Variants in DYM observed in about 807,000 individuals in gnomAD.
DYM encodes dyggve-Melchior-Clausen syndrome protein.
Under a neutral mutation model 93.1 loss-of-function variants are expected in DYM, and 78 were observed. The ratio of observed to expected loss-of-function variants is 0.84; its 90% CI spans 0.70 to 1.01. The LOEUF (loss-of-function observed/expected upper bound fraction) is 1.01, where lower values mean the gene tolerates loss of function less well. DYM is among the 50% of genes least tolerant of loss of function. The probability of loss-of-function intolerance (pLI) is 0.00; values close to 1 mark genes in which losing one functional copy is unlikely to be tolerated. For synonymous variants in DYM, 321 were observed against 319.7 expected, an observed-to-expected ratio of 1.00 and a Z score of -0.04; for missense variants, 789 against 845.0, an observed-to-expected ratio of 0.93 and a Z score of 0.82.
intron 16 of DYM, among the ~76,000 whole-genome samples, chr18:49,097,884 T>G (rs2079721916): frequency 1.5e-5 from 2 of 136,240 alleles, no homozygotes; most frequent in Admixed American, 6.9e-5. Context: ...GCTCTCTCTC[T>G]CTCTCTCTCT....
At chr18:49,260,400 T>C (rs939459924) in intron 11 of DYM, among the ~76,000 whole-genome samples, 2 of 152,110 alleles carry the variant, frequency 1.3e-5, no homozygotes, top group African/African-American at 4.8e-5. Context: ...ATTTGTGATG[T>C]GAAGGACCAA....
intron 8 of DYM, among the ~76,000 whole-genome samples, chr18:49,317,623 C>CTCCTAT (rs749032927): frequency 0.03 from 1,072 of 35,382 alleles, 98 homozygotes; most frequent in Non-Finnish European, 0.047. Context: ...CTCCCTCCCT[C>CTCCTAT]CCTCCCTCTC....
intron 2 of DYM, among the ~76,000 whole-genome samples, chr18:49,423,973 G>A (rs1013469269): frequency 5.9e-5 from 9 of 152,176 alleles, no homozygotes; most frequent in Non-Finnish European, 1.0e-4. Flanking sequence ...GAGGTACAAA[G>A]AGGAGCTGGT....
intron 16 of DYM, among the ~76,000 whole-genome samples, chr18:49,107,764 G>T (rs2080989971): frequency 6.6e-6 from 1 of 152,164 alleles, no homozygotes; most frequent in Non-Finnish European, 1.5e-5. Context: ...TGTTCCTCTA[G>T]AAGTTTTGTC....
intron 14 of DYM, among the ~76,000 whole-genome samples, chr18:49,195,869 C>A (rs2091388465): frequency 6.8e-6 from 1 of 146,294 alleles, no homozygotes; most frequent in African/African-American, 2.5e-5. Flanking sequence ...CAGAGAACTA[C>A]AACCAAATAC....
At chr18:49,393,996 CT>C (rs2147939471) in intron 2 of DYM, among the ~76,000 whole-genome samples, 1 of 152,104 alleles carries the variant, frequency 6.6e-6, no homozygotes, top group South Asian at 2.1e-4. Context: ...GAATAGGGAA[CT>C]AGTGTTTAGT....
chr18:49,185,025 C>T (rs900244711), intron 14 of DYM, among the ~76,000 whole-genome samples: 1 of 152,042 alleles, frequency 6.6e-6, no homozygotes, highest in Non-Finnish European at 1.5e-5. Context: ...GTCATTTAAG[C>T]AAAGACCTGA....
intron 8 of DYM, among the ~76,000 whole-genome samples, chr18:49,325,096 A>G (rs1247035493): frequency 6.6e-6 from 1 of 152,096 alleles, no homozygotes; most frequent in Non-Finnish European, 1.5e-5. Context: ...CCAGGGTGAG[A>G]TATTGGGGGG....
At chr18:49,364,992 T>A (rs1283957582) in intron 5 of DYM, among the ~76,000 whole-genome samples, 1 of 152,164 alleles carries the variant, frequency 6.6e-6, no homozygotes, top group Non-Finnish European at 1.5e-5. Context: ...CATCATTTTT[T>A]GTCTACAAGC....
In DYM at chr18:49,323,012, C is replaced by T. The variant is rs536144415; in HGVS notation, c.763+8852G>A. Among the ~76,000 whole-genome samples the T allele has an allele frequency of 6.6e-5, 10 of 152,270 alleles. No individual in the cohort carries two copies. In the South Asian group the frequency reaches 2.1e-3, roughly 32 times the overall value. On this transcript the variant is annotated intron_variant, in intron 8 of 17. Transcript: ENST00000675505. Reference sequence around the variant, plus strand: ...TAACACAAACATCTACAGTCCAGTACGTCCCTCTTCTGTAATACCAAATTA... The same window carrying T: ...TAACACAAACATCTACAGTCCAGTATGTCCCTCTTCTGTAATACCAAATTA...
At chr18:49,396,684 A>G (rs2070134085) in intron 2 of DYM, among the ~76,000 whole-genome samples, 2 of 152,216 alleles carry the variant, frequency 1.3e-5, no homozygotes, top group African/African-American at 4.8e-5. Flanking sequence ...CTAAGTATCC[A>G]TCAATGGATG....
At chr18:49,351,050 T>G (rs2065077310) in intron 6 of DYM, among the ~76,000 whole-genome samples, 1 of 151,732 alleles carries the variant, frequency 6.6e-6, no homozygotes, top group Admixed American at 6.6e-5. Flanking sequence ...TTAGAGAGAC[T>G]TAAAAAGTTG....
At chr18:49,226,550 G>A (rs2093540224) in intron 13 of DYM, among the ~76,000 whole-genome samples, 1 of 152,052 alleles carries the variant, frequency 6.6e-6, no homozygotes. Flanking sequence ...TAATAAGCAA[G>A]GTCTAAAACT....
chr18:49,372,826 T>TA (rs758338234), intron 5 of DYM, among the ~76,000 whole-genome samples: 11 of 149,926 alleles, frequency 7.3e-5, no homozygotes, highest in South Asian at 4.2e-4. Flanking sequence ...AGGTTCAAAT[T>TA]AAAAAAAAAG....
At chr18:49,090,557 T>C (rs780936847) in intron 17 of DYM, among the ~76,000 whole-genome samples, 1 of 152,198 alleles carries the variant, frequency 6.6e-6, no homozygotes, top group Non-Finnish European at 1.5e-5. Flanking sequence ...TGTCAGGCAC[T>C]CGGTCTCCTC....
chr18:49,163,808 C>A (rs879075481), intron 14 of DYM, 21 bp from the exon 15 acceptor site: 15 of 1,476,604 alleles, frequency 1.0e-5, no homozygotes, highest in Middle Eastern at 1.7e-4. Context: ...AAACAAAAAA[C>A]CAATTATATT....
intron 6 of DYM, among the ~76,000 whole-genome samples, chr18:49,351,773 T>C (rs1309253211): frequency 1.3e-5 from 2 of 152,144 alleles, no homozygotes; most frequent in African/African-American, 2.4e-5. Flanking sequence ...CATACAAATA[T>C]AGACAAGTAA....
chr18:49,127,585 A>AT (rs2082940655), intron 15 of DYM, among the ~76,000 whole-genome samples: 1 of 152,170 alleles, frequency 6.6e-6, no homozygotes, highest in Admixed American at 6.5e-5. Flanking sequence ...AATTAATGGG[A>AT]TTTTGCCAAA....
intron 16 of DYM, 118 bp downstream of exon 16, chr18:49,118,626 T>C: frequency 1.1e-6 from 1 of 949,492 alleles, no homozygotes; most frequent in Non-Finnish European, 1.6e-6. Flanking sequence ...AGACTGCAAA[T>C]ACAGTTAATG....
Sources: gnomAD v4.1 joint callset for allele counts (sites outside exome capture counted in the v4.1 genomes callset) on GRCh38, gnomAD v4.1.1 for gene constraint, MANE v1.5 for transcripts, NCBI Gene and HGNC (gene_info 2026-07-23, HGNC 2026-07-21) for gene names.